PEX26: variants seen among roughly 807,000 people sequenced by gnomAD.
PEX26 encodes the protein peroxisomal biogenesis factor 26.
A neutral mutation model predicts 31.4 loss-of-function variants in PEX26; 18 were observed. That is an observed-to-expected ratio of 0.57 (90% CI 0.40 to 0.85). The LOEUF is 0.85. Ranked by LOEUF, PEX26 falls within the 40% of genes least tolerant of loss-of-function variation. The pLI, the probability that PEX26 is intolerant of heterozygous loss-of-function variation, is 0.00. For synonymous variants in PEX26, 176 were observed against 166.9 expected, an observed-to-expected ratio of 1.05 and a Z score of -0.42; for missense variants, 377 against 383.9, an observed-to-expected ratio of 0.98 and a Z score of 0.15.
In PEX26 at chr22:18,090,044, G is replaced by C. The variant is rs1927026022; in HGVS notation, c.*1969G>C. On this transcript the variant is annotated 3_prime_UTR_variant, in exon 5 of 5. Transcript: ENST00000399744. ...ATGAGTAAAGTAGGTAAACTTCACA[G>C]GCCCCTTAGAATTAAATCCTTAGGG... 6.6e-6 allele frequency: 1 copy of C among 152,082 alleles called. No individual in the cohort carries two copies. Among genetic ancestry groups the C allele is most frequent in the Non-Finnish European group, 1.5e-5 (1 of 68,006 alleles). 9.4% of individuals were successfully genotyped at this position (152,082 alleles called of 1,614,324 possible).
rs467504 is a variant in PEX26, at chr22:18,100,501, T to C, written c.*12426T>C. On this transcript the variant is annotated 3_prime_UTR_variant, in exon 5 of 5. Transcript: ENST00000399744. The stretch of plus-strand genomic sequence containing the variant: ...TGGTCCGAAAGTATTTAGTCAGCAA[T>C]GTACCATTATAGAAAAACACATAGC... 0.67 allele frequency: 102,532 copies of C among 152,098 alleles called. 34,904 individuals are homozygous for C. Among genetic ancestry groups the C allele is most frequent in the Non-Finnish European group, 0.72 (49,083 of 68,004 alleles). 9.4% of individuals were successfully genotyped at this position (152,098 alleles called of 1,614,324 possible).
chr22:18,095,209 A>G lies in PEX26; in HGVS notation c.*7134A>G, dbSNP rs534907431. The G allele has an allele frequency of 6.6e-6, 1 of 152,322 alleles. No individual in the cohort carries two copies. Among genetic ancestry groups the G allele is most frequent in the East Asian group, 1.9e-4 (1 of 5,184 alleles). 9.4% of individuals were successfully genotyped at this position (152,322 alleles called of 1,614,324 possible). A position where few individuals can be genotyped will look rare whatever the true frequency, so the allele number is the denominator to read the frequency against. Reference sequence around the variant, plus strand: ...GCAGGGGAGGGCTCTGTGCTTTGGCATCTGTTTAGTAGTATCGTCGCCCAG... The same window carrying G: ...GCAGGGGAGGGCTCTGTGCTTTGGCGTCTGTTTAGTAGTATCGTCGCCCAG... On this transcript the variant is annotated 3_prime_UTR_variant, in exon 5 of 5. Coordinates refer to ENST00000399744, the MANE Select transcript of PEX26 (RefSeq NM_001127649.3).
chr22:18,078,300 A>C lies in PEX26; in HGVS notation c.-77A>C. 1 of 1,068,140 alleles carries C rather than the reference A, an allele frequency of 9.4e-7. No homozygotes were observed. The highest frequency in any genetic ancestry group is 2.5e-5 in the East Asian group (1 of 39,554). 66.2% of individuals were successfully genotyped at this position (1,068,140 alleles called of 1,614,324 possible). A position where few individuals can be genotyped will look rare whatever the true frequency, so the allele number is the denominator to read the frequency against. ...GGACTCTCCCTCTTCGCCCAGGCCA[A>C]CTCGGGATATCCCGGAGCCTCTGGG... On this transcript the variant is annotated 5_prime_UTR_variant, in exon 1 of 5. Coordinates refer to ENST00000399744, the MANE Select transcript of PEX26 (RefSeq NM_001127649.3).
At position 18,084,999 on chromosome 22, in the gene PEX26, G is replaced by A. The variant is rs1926780581; in HGVS notation, c.668-113G>A. On this transcript the variant is annotated intron_variant, in intron 3 of 4. Transcript: ENST00000399744. Reference sequence around the variant, plus strand: ...GCCTCCCAAAGTGCTGGGATTACAGGCATGAGCCACTGCGCCTGGCCTGCT... The same window carrying A: ...GCCTCCCAAAGTGCTGGGATTACAGACATGAGCCACTGCGCCTGGCCTGCT... 7.4e-6 allele frequency: 8 copies of A among 1,083,572 alleles called. No individual in the cohort carries two copies. In the Admixed American group the frequency reaches 7.5e-5, roughly 10 times the overall value. 67.1% of individuals were successfully genotyped at this position (1,083,572 alleles called of 1,614,324 possible). A position where few individuals can be genotyped will look rare whatever the true frequency, so the allele number is the denominator to read the frequency against.
intron 1 of PEX26, chr22:18,079,202 A>G (rs1370272848): frequency 4.0e-5 from 39 of 980,100 alleles, no homozygotes; most frequent in Non-Finnish European, 4.7e-5. Flanking sequence ...GAATCCGGAG[A>G]AAAAAACCTT....
chr22:18,102,169 C>A lies in PEX26; in HGVS notation c.*14094C>A, dbSNP rs565924087. The A allele has an allele frequency of 6.6e-6, 1 of 152,316 alleles. No individual in the cohort carries two copies. Among genetic ancestry groups the A allele is most frequent in the East Asian group, 1.9e-4 (1 of 5,190 alleles). 9.4% of individuals were successfully genotyped at this position (152,316 alleles called of 1,614,324 possible). A position where few individuals can be genotyped will look rare whatever the true frequency, so the allele number is the denominator to read the frequency against. On this transcript the variant is annotated 3_prime_UTR_variant, in exon 5 of 5. Coordinates refer to ENST00000399744, the MANE Select transcript of PEX26 (RefSeq NM_001127649.3). ...TGTTGACACACTGAATGTATGCTGG[C>A]AGAAGGGCCTCAGGTGGAATGCTGG...
At position 18,102,763 on chromosome 22, in the gene PEX26, C is replaced by T. The variant is rs1927488798; in HGVS notation, c.*14688C>T. On this transcript the variant is annotated 3_prime_UTR_variant, in exon 5 of 5. Transcript: ENST00000399744. ...GCTCCAGTAGGTGTCCTTCAGGATA[C>T]TTTTCTGTCAAGTAAATACATTTAT... The T allele has an allele frequency of 6.6e-6, 1 of 152,142 alleles. No individual in the cohort carries two copies. The highest frequency in any genetic ancestry group is 1.5e-5 in the Non-Finnish European group (1 of 68,034). 9.4% of individuals were successfully genotyped at this position (152,142 alleles called of 1,614,324 possible). A position where few individuals can be genotyped will look rare whatever the true frequency, so the allele number is the denominator to read the frequency against.
Position 18,089,536 on chromosome 22 carries a change from A to C in PEX26, c.*1461A>C, listed in dbSNP as rs1225025266. On this transcript the variant is annotated 3_prime_UTR_variant, in exon 5 of 5. Transcript: ENST00000399744. ...AGAGCACTGCTGTGCTGTCAGGATG[A>C]AGAAGGGCTTTCTGCAGGGGCTGGC... The C allele has an allele frequency of 6.6e-6, 1 of 152,444 alleles. No individual in the cohort carries two copies. The highest frequency in any genetic ancestry group is 1.5e-5 in the Non-Finnish European group (1 of 68,224). 9.4% of individuals were successfully genotyped at this position (152,444 alleles called of 1,614,324 possible).
At chr22:18,087,875 T>C in intron 4 of PEX26, 97 bp from the exon 5 acceptor site, 2 of 831,062 alleles carry the variant, frequency 2.4e-6, no homozygotes, top group Middle Eastern at 2.2e-4. Context: ...CAAAACCAAC[T>C]ATGTGTAATT....
rs1048715526 is a variant in PEX26, at chr22:18,088,412, G to A, written c.*337G>A. 8 of 418,974 alleles carry A rather than the reference G, an allele frequency of 1.9e-5. No homozygotes were observed. Among genetic ancestry groups the A allele is most frequent in the African/African-American group, 4.1e-5 (2 of 49,242 alleles). 26.0% of individuals were successfully genotyped at this position (418,974 alleles called of 1,614,324 possible). ...TGAAGGCAAGGGGTTGGTTCTTCAGGTCAGGATGTTAATGGAGCTGGAAGT... is the reference window on the plus strand; with the variant it reads ...TGAAGGCAAGGGGTTGGTTCTTCAGATCAGGATGTTAATGGAGCTGGAAGT... On this transcript the variant is annotated 3_prime_UTR_variant, in exon 5 of 5. Coordinates refer to ENST00000399744, the MANE Select transcript of PEX26 (RefSeq NM_001127649.3). This position sits in a 1 kb window ranked among gnomAD's most constrained non-coding sequence, Gnocchi z 4.1.
At chr22:18,084,863 C>T (rs1160835892) in intron 3 of PEX26, among the ~76,000 whole-genome samples, 1 of 151,942 alleles carries the variant, frequency 6.6e-6, no homozygotes, top group East Asian at 1.9e-4. Context: ...GCTGGGACTA[C>T]AGGCGCACAC....
At chr22:18,086,842 C>G (rs1334054743) in intron 4 of PEX26, among the ~76,000 whole-genome samples, 1 of 151,374 alleles carries the variant, frequency 6.6e-6, no homozygotes, top group Non-Finnish European at 1.5e-5. Flanking sequence ...TCCCTGTTTC[C>G]CCATTTCTCT....
In PEX26 at chr22:18,100,522, A is replaced by T. The variant is rs1927422102; in HGVS notation, c.*12447A>T. The T allele has an allele frequency of 6.6e-6, 1 of 152,246 alleles. No homozygotes were observed. The highest frequency in any genetic ancestry group is 2.1e-4 in the South Asian group (1 of 4,834). 9.4% of individuals were successfully genotyped at this position (152,246 alleles called of 1,614,324 possible). A position where few individuals can be genotyped will look rare whatever the true frequency, so the allele number is the denominator to read the frequency against. Reference sequence around the variant, plus strand: ...GCAATGTACCATTATAGAAAAACACATAGCTTGTGGCTCCAACTTTAAAAC... The same window carrying T: ...GCAATGTACCATTATAGAAAAACACTTAGCTTGTGGCTCCAACTTTAAAAC... On this transcript the variant is annotated 3_prime_UTR_variant, in exon 5 of 5. Coordinates refer to ENST00000399744, the MANE Select transcript of PEX26 (RefSeq NM_001127649.3).
chr22:18,083,507 C>T lies in PEX26; in HGVS notation c.442C>T (p.Pro148Ser), dbSNP rs1926705338. 1.2e-6 allele frequency: 2 copies of T among 1,614,088 alleles called. No homozygotes were observed. Among genetic ancestry groups the T allele is most frequent in the Non-Finnish European group, 8.5e-7 (1 of 1,179,978 alleles). Residue 148 changes from proline (P) to serine (S), a missense_variant, in exon 3 of 5, where the codon CCA becomes TCA. Coordinates refer to ENST00000399744, the MANE Select transcript of PEX26 (RefSeq NM_001127649.3). ...LDVVGAWLQD[P>S]ANQNLPEYGA... ...TGTGGTGGGTGCCTGGCTCCAAGAC[C>T]CAGCCAATCAAAACCTTCCAGAATA...
intron 3 of PEX26, among the ~76,000 whole-genome samples, chr22:18,084,796 C>G (rs1343824459): frequency 1.3e-5 from 2 of 151,090 alleles, no homozygotes; most frequent in Non-Finnish European, 2.9e-5. Context: ...GATCTTGGCT[C>G]ACTGCAGCCT....
rs904248334 is a variant in PEX26, at chr22:18,103,786, A to C, written c.*15711A>C. The C allele has an allele frequency of 1.3e-5, 2 of 152,550 alleles. No homozygotes were observed. Among genetic ancestry groups the C allele is most frequent in the African/African-American group, 4.8e-5 (2 of 41,454 alleles). The allele number at this position is 152,550 out of a possible 1,614,324, so 9.4% of individuals were successfully genotyped here. A position where few individuals can be genotyped will look rare whatever the true frequency, so the allele number is the denominator to read the frequency against. On this transcript the variant is annotated 3_prime_UTR_variant, in exon 5 of 5. Coordinates refer to ENST00000399744, the MANE Select transcript of PEX26 (RefSeq NM_001127649.3). ...TCTTGGCCCAGCCCGGTCAACACCC[A>C]CATGCACCACCACCAACTTTTTGCT...
chr22:18,078,604 C>T lies in PEX26; in HGVS notation c.228C>T (p.Gly76=), dbSNP rs786205556. The change falls in exon 1 of 5, where the codon GGC becomes GGT. Residue 76 remains glycine, a splice_region_variant and synonymous_variant. Coordinates refer to ENST00000399744, the MANE Select transcript of PEX26 (RefSeq NM_001127649.3). ...ANHAVAEEPA[G]TSLEVKCSLC... is the part of the protein sequence containing the mutation. Reference sequence around the variant, plus strand: ...ACGCCGTGGCAGAGGAACCCGCGGGCACGTACGTGCTGGGCTCGGAAATGA... The same window carrying T: ...ACGCCGTGGCAGAGGAACCCGCGGGTACGTACGTGCTGGGCTCGGAAATGA... 1 of 1,598,600 alleles carries T rather than the reference C, an allele frequency of 6.3e-7. No homozygotes were observed. The highest frequency in any genetic ancestry group is 1.1e-5 in the South Asian group (1 of 89,166).
chr22:18,085,355 G>A (rs1569188689), intron 4 of PEX26, 97 bp downstream of exon 4: 2 of 1,270,568 alleles, frequency 1.6e-6, no homozygotes, highest in Non-Finnish European at 2.3e-6. Context: ...CTACTGGGGA[G>A]GGGAGTCTCT....
At chr22:18,082,561 T>C (rs1266392435) in intron 2 of PEX26, among the ~76,000 whole-genome samples, 1 of 152,188 alleles carries the variant, frequency 6.6e-6, no homozygotes, top group Non-Finnish European at 1.5e-5. Context: ...TTCTATTTTG[T>C]CTGTTTTTAT....
Sources: gnomAD v4.1 joint callset for allele counts (sites outside exome capture counted in the v4.1 genomes callset) on GRCh38, gnomAD v4.1.1 for gene constraint, Gnocchi (gnomAD v3.1) non-coding constraint, MANE v1.5 for transcripts, NCBI Gene and HGNC (gene_info 2026-07-23, HGNC 2026-07-21) for gene names.